KCNMB4: variants seen among roughly 807,000 people sequenced by gnomAD.
KCNMB4 encodes the protein calcium-activated potassium channel subunit beta-4.
A neutral mutation model predicts 20.7 loss-of-function variants in KCNMB4; 3 were observed. The observed-to-expected ratio is 0.14, with a 90% CI of 0.07 to 0.37. KCNMB4 has a LOEUF of 0.37. KCNMB4 is among the 10% of genes least tolerant of loss of function. The probability of loss-of-function intolerance (pLI) is 1.00; values close to 1 mark genes in which losing one functional copy is unlikely to be tolerated. For missense variants in KCNMB4, 168 were observed against 265.9 expected (o/e 0.63, Z 2.56); for synonymous variants, 110 against 113.4 (o/e 0.97, Z 0.19).
Position 70,366,689 on chromosome 12 carries a change from C to CT in KCNMB4, c.-46_-45insT. 1 of 1,249,330 alleles carries CT rather than the reference C, an allele frequency of 8.0e-7. No homozygotes were observed. The highest frequency in any genetic ancestry group is 1.0e-6 in the Non-Finnish European group (1 of 991,744). The allele number at this position is 1,249,330 out of a possible 1,614,324, so 77.4% of individuals were successfully genotyped here. On this transcript the variant is annotated 5_prime_UTR_variant, in exon 1 of 3. Coordinates refer to ENST00000258111, the MANE Select transcript of KCNMB4 (RefSeq NM_014505.6). ...AGGCAGTCGGGCTCGGCGCCGGGGGCGGGAGGGGGCGGGGGGAGCACGCCA... is the reference window on the plus strand; with the variant it reads ...AGGCAGTCGGGCTCGGCGCCGGGGGCTGGGAGGGGGCGGGGGGAGCACGCCA...
At chr12:70,395,613 G>T (rs938214083) in intron 1 of KCNMB4, among the ~76,000 whole-genome samples, 1 of 152,160 alleles carries the variant, frequency 6.6e-6, no homozygotes, top group South Asian at 2.1e-4. Context: ...TCCATGTTGT[G>T]TGATGATACT....
intron 1 of KCNMB4, among the ~76,000 whole-genome samples, chr12:70,373,101 G>T (rs1046159322): frequency 6.6e-6 from 1 of 152,192 alleles, no homozygotes; most frequent in Admixed American, 6.5e-5. Context: ...CGAGCCCACA[G>T]TGTAGAAGAC....
At chr12:70,393,148 A>G (rs1031256665) in intron 1 of KCNMB4, among the ~76,000 whole-genome samples, 3 of 151,908 alleles carry the variant, frequency 2.0e-5, no homozygotes, top group Admixed American at 6.6e-5. Flanking sequence ...GATTGCTTCT[A>G]TTTGGATTCA....
chr12:70,423,510 C>T (rs1869125456), intron 2 of KCNMB4, among the ~76,000 whole-genome samples: 1 of 151,948 alleles, frequency 6.6e-6, no homozygotes, highest in Non-Finnish European at 1.5e-5. Context: ...GTCTGTCGCC[C>T]AGGCTGGAAT....
intron 2 of KCNMB4, among the ~76,000 whole-genome samples, chr12:70,430,094 C>G (rs1343852135): frequency 6.7e-6 from 1 of 150,228 alleles, no homozygotes; most frequent in African/African-American, 2.5e-5. Flanking sequence ...GAGCTGAGGT[C>G]TAGTTCAGAT....
At chr12:70,397,462 A>G (rs1421275862) in intron 1 of KCNMB4, among the ~76,000 whole-genome samples, 2 of 152,236 alleles carry the variant, frequency 1.3e-5, no homozygotes, top group Non-Finnish European at 2.9e-5. Context: ...CATAAAAAGA[A>G]TACTCAAATT....
chr12:70,401,173 A>G (rs765317258), intron 2 of KCNMB4, among the ~76,000 whole-genome samples: 5 of 152,052 alleles, frequency 3.3e-5, no homozygotes, highest in Non-Finnish European at 7.4e-5. Context: ...CTACAGGCAC[A>G]CACCACCACA....
At chr12:70,418,838 G>A (rs1190064391) in intron 2 of KCNMB4, among the ~76,000 whole-genome samples, 2 of 152,096 alleles carry the variant, frequency 1.3e-5, no homozygotes, top group Non-Finnish European at 2.9e-5. Flanking sequence ...ATACCCAATG[G>A]AATCCCTGCT....
rs370811507 is a variant in KCNMB4, at chr12:70,412,809, G to C, written c.464+12473G>C. On this transcript the variant is annotated intron_variant, in intron 2 of 2. Transcript: ENST00000258111. ...ATTGGAATGAATTACTAAATACTGT[G>C]TTTGATATTTGGTAAAAATTACTTA... Among the ~76,000 whole-genome samples the C allele has an allele frequency of 5.3e-5, 8 of 152,136 alleles. No homozygotes were observed. In the East Asian group the frequency reaches 1.3e-3, roughly 26 times the overall value.
chr12:70,426,308 A>G (rs1263609995), intron 2 of KCNMB4, among the ~76,000 whole-genome samples: 2 of 151,896 alleles, frequency 1.3e-5, no homozygotes, highest in African/African-American at 4.8e-5. Context: ...AAAAAAAAAG[A>G]AAAAAAGAAA....
At chr12:70,415,655 C>G (rs11178231) in intron 2 of KCNMB4, among the ~76,000 whole-genome samples, 49,192 of 152,130 alleles carry the variant, frequency 0.32, 8,143 homozygotes, top group East Asian at 0.54. Flanking sequence ...AAACTCTAAT[C>G]TGTTCTTTCA....
Position 70,366,757 on chromosome 12 carries a change from A to C in KCNMB4, c.23A>C (p.Tyr8Ser), listed in dbSNP as rs1414173995. 3.1e-6 allele frequency: 5 copies of C among 1,604,798 alleles called. No individual in the cohort carries two copies. The highest frequency in any genetic ancestry group is 4.2e-6 in the Non-Finnish European group (5 of 1,177,458). The change falls in exon 1 of 3, where the codon TAC becomes TCC. Residue 8 changes from tyrosine (Y) to serine (S), a missense_variant. Tyr to Ser is a moderately radical substitution (Grantham distance 144). Transcript: ENST00000258111. The stretch of plus-strand genomic sequence containing the variant: ...GCGATGGCGAAGCTCCGGGTGGCTT[A>C]CGAGTACACGGAAGCCGAGGACAAG... The part of the protein sequence containing the change: MAKLRVA[Y>S]EYTEAEDKSI...
intron 1 of KCNMB4, among the ~76,000 whole-genome samples, chr12:70,387,166 A>G (rs367696776): frequency 1.4e-4 from 21 of 152,018 alleles, no homozygotes; most frequent in African/African-American, 5.1e-4. Flanking sequence ...ATATATTTCC[A>G]AATTATACTA....
chr12:70,388,116 T>A (rs1476386961), intron 1 of KCNMB4, among the ~76,000 whole-genome samples: 1 of 152,174 alleles, frequency 6.6e-6, no homozygotes, highest in Non-Finnish European at 1.5e-5. Context: ...CTTAACTTAA[T>A]GATCTCCAGT....
intron 1 of KCNMB4, among the ~76,000 whole-genome samples, chr12:70,399,047 G>A (rs185371621): frequency 1.9e-4 from 29 of 152,312 alleles, no homozygotes; most frequent in Non-Finnish European, 3.8e-4. Flanking sequence ...TTGACAGCAC[G>A]TGGCAGATTT....
At chr12:70,423,318 C>T (rs1290458700) in intron 2 of KCNMB4, among the ~76,000 whole-genome samples, 1 of 152,132 alleles carries the variant, frequency 6.6e-6, no homozygotes, top group East Asian at 1.9e-4. Flanking sequence ...AACATTAGTA[C>T]TTAAAATTAA....
At chr12:70,367,213 G>T (rs537420950) in intron 1 of KCNMB4, 143 bp downstream of exon 1, 11 of 600,236 alleles carry the variant, frequency 1.8e-5, no homozygotes, top group African/African-American at 1.7e-4. Context: ...CTCAAACCAG[G>T]AATGACTACA....
chr12:70,386,222 G>A (rs1420436142), intron 1 of KCNMB4, among the ~76,000 whole-genome samples: 1 of 152,012 alleles, frequency 6.6e-6, no homozygotes, highest in African/African-American at 2.4e-5. Context: ...TAAGTCTGAG[G>A]CATTGTGATA....
At chr12:70,430,125 A>G (rs1415965258) in intron 2 of KCNMB4, among the ~76,000 whole-genome samples, 3 of 151,914 alleles carry the variant, frequency 2.0e-5, no homozygotes, top group Non-Finnish European at 4.4e-5. Flanking sequence ...ATGCTCACCC[A>G]TCAGTAATTT....
Sources: allele counts gnomAD v4.1 joint callset (sites outside exome capture counted in the v4.1 genomes callset), GRCh38; gene constraint gnomAD v4.1.1; transcripts MANE v1.5; gene names NCBI Gene and HGNC (gene_info 2026-07-23, HGNC 2026-07-21).